XKR4: variants seen among roughly 807,000 people sequenced by gnomAD.
XKR4 encodes XK-related protein 4.
Under a neutral mutation model 53.9 loss-of-function variants are expected in XKR4, and 12 were observed. That is an observed-to-expected ratio of 0.22 (90% CI 0.14 to 0.36). The LOEUF (loss-of-function observed/expected upper bound fraction) is 0.36, where lower values mean the gene tolerates loss of function less well. Ranked by LOEUF, XKR4 falls within the 10% of genes least tolerant of loss-of-function variation. The pLI is 1.00. For synonymous variants in XKR4, 354 were observed against 362.4 expected (o/e 0.98, Z 0.26); for missense variants, 799 against 859.5 (o/e 0.93, Z 0.88).
Position 55,356,217 on chromosome 8 carries a change from T to C in XKR4, c.807-1461T>C, listed in dbSNP as rs190058630. 1.5e-3 allele frequency among the ~76,000 whole-genome samples: 230 copies of C among 152,328 alleles called. 1 individual carries two copies. Among genetic ancestry groups the C allele is most frequent in the Non-Finnish European group, 1.9e-4 (13 of 68,032 alleles). ...GCAACCTTGATTGCAATATCATCAG[T>C]ATATGGTAAGATCATAAAATAGAAC... is the stretch of plus-strand genomic sequence containing the variant. On this transcript the variant is annotated intron_variant, in intron 1 of 2. Transcript: ENST00000327381.
intron 1 of XKR4, among the ~76,000 whole-genome samples, chr8:55,111,060 G>A (rs2129350938): frequency 6.6e-6 from 1 of 152,230 alleles, no homozygotes; most frequent in Non-Finnish European, 1.5e-5. Flanking sequence ...CAGTGATAAA[G>A]CTTATTTAAA....
chr8:55,446,349 C>CT lies in XKR4; in HGVS notation c.1007-76922dup, dbSNP rs200382007. 2.8e-3 allele frequency among the ~76,000 whole-genome samples: 420 copies of CT among 149,062 alleles called. 1 individual carries two copies. Among genetic ancestry groups the CT allele is most frequent in the East Asian group, 4.3e-3 (22 of 5,112 alleles). ...ATCAAAAACTTTAACTGACTGATTTCTTTTTTTTTTGACACAGAATCTCAC... is the reference window on the plus strand; with the variant it reads ...ATCAAAAACTTTAACTGACTGATTTCTTTTTTTTTTTGACACAGAATCTCAC... On this transcript the variant is annotated intron_variant, in intron 2 of 2. Transcript: ENST00000327381.
Position 55,348,665 on chromosome 8 carries a change from T to C in XKR4, c.807-9013T>C, listed in dbSNP as rs138528829. 9.3e-4 allele frequency among the ~76,000 whole-genome samples: 134 copies of C among 144,794 alleles called. 1 individual carries two copies. Among genetic ancestry groups the C allele is most frequent in the African/African-American group, 3.3e-3 (125 of 37,782 alleles). The allele number at this position is 144,794 out of a possible 152,430, so 95.0% of individuals were successfully genotyped here. On this transcript the variant is annotated intron_variant, in intron 1 of 2. Transcript: ENST00000327381. ...ATAGAGATAATGGATAGGTAGATGA[T>C]AGAGGGAGAGAGAGACAGACAAACA...
chr8:55,440,565 A>T (rs1057363874), intron 2 of XKR4, among the ~76,000 whole-genome samples: 4 of 150,916 alleles, frequency 2.7e-5, no homozygotes, highest in Non-Finnish European at 4.4e-5. Flanking sequence ...TCTCTAAAAG[A>T]ATACAAATAG....
chr8:55,342,343 G>A (rs749505274), intron 1 of XKR4, among the ~76,000 whole-genome samples: 1 of 152,038 alleles, frequency 6.6e-6, no homozygotes, highest in Non-Finnish European at 1.5e-5. Flanking sequence ...TCACTTGCCA[G>A]GTTATTGCAA....
chr8:55,304,774 C>G (rs1350185532), intron 1 of XKR4, among the ~76,000 whole-genome samples: 1 of 151,952 alleles, frequency 6.6e-6, no homozygotes, highest in Non-Finnish European at 1.5e-5. Flanking sequence ...CTCTTTTGAT[C>G]TTTGTTGGTT....
intron 1 of XKR4, among the ~76,000 whole-genome samples, chr8:55,128,956 T>A (rs1398502804): frequency 6.6e-6 from 1 of 152,166 alleles, no homozygotes; most frequent in Non-Finnish European, 1.5e-5. Context: ...GTTTATAGGA[T>A]CGTCTAACCA....
At chr8:55,349,724 G>C (rs946755525) in intron 1 of XKR4, among the ~76,000 whole-genome samples, 1 of 152,116 alleles carries the variant, frequency 6.6e-6, no homozygotes, top group Non-Finnish European at 1.5e-5. Context: ...AATCGAACAT[G>C]CATTTTGTCC....
At chr8:55,337,660 G>A (rs1258050410) in intron 1 of XKR4, among the ~76,000 whole-genome samples, 1 of 152,174 alleles carries the variant, frequency 6.6e-6, no homozygotes, top group Non-Finnish European at 1.5e-5. Flanking sequence ...AGTGGCAGGG[G>A]CAATGGTAAG....
chr8:55,135,605 G>A (rs1178343920), intron 1 of XKR4: 1 of 456,072 alleles, frequency 2.2e-6, no homozygotes, highest in East Asian at 6.9e-5. Context: ...CATCGGAGCT[G>A]TCTACTGAGG....
At chr8:55,511,711 A>G (rs1477613257) in intron 2 of XKR4, among the ~76,000 whole-genome samples, 1 of 152,236 alleles carries the variant, frequency 6.6e-6, no homozygotes, top group African/African-American at 2.4e-5. Context: ...CAATAATATT[A>G]AGTACACATT....
chr8:55,452,965 C>A (rs954056304), intron 2 of XKR4: 10 of 741,718 alleles, frequency 1.3e-5, no homozygotes, highest in African/African-American at 1.7e-5. Context: ...TGCTTCTCAC[C>A]GCTCAGGGAT....
chr8:55,299,997 G>A (rs552442911), intron 1 of XKR4, among the ~76,000 whole-genome samples: 7 of 152,232 alleles, frequency 4.6e-5, no homozygotes, highest in Admixed American at 3.9e-4. Flanking sequence ...TGGGAGGGGA[G>A]GGAGCATGAC....
intron 1 of XKR4, among the ~76,000 whole-genome samples, chr8:55,231,062 T>A (rs1382985074): frequency 6.6e-6 from 1 of 152,146 alleles, no homozygotes; most frequent in African/African-American, 2.4e-5. Context: ...AAATGAAGAG[T>A]TCGAAACTGA....
intron 2 of XKR4, chr8:55,451,548 GC>G (rs1180627388): frequency 2.8e-6 from 3 of 1,061,860 alleles, no homozygotes; most frequent in African/African-American, 1.6e-5. Context: ...TGCCGTACAG[GC>G]CCCCAGAATG....
At chr8:55,386,651 G>T (rs1303998370) in intron 2 of XKR4, among the ~76,000 whole-genome samples, 1 of 152,192 alleles carries the variant, frequency 6.6e-6, no homozygotes, top group Non-Finnish European at 1.5e-5. Context: ...ATATATCATG[G>T]AATGTAGTAG....
At chr8:55,495,623 C>A (rs1440137775) in intron 2 of XKR4, among the ~76,000 whole-genome samples, 1 of 152,232 alleles carries the variant, frequency 6.6e-6, no homozygotes, top group African/African-American at 2.4e-5. Context: ...CCTTCCCCCC[C>A]AGGCCCTCCC....
At chr8:55,445,503 A>G (rs1585576596) in intron 2 of XKR4, among the ~76,000 whole-genome samples, 1 of 152,210 alleles carries the variant, frequency 6.6e-6, no homozygotes, top group African/African-American at 2.4e-5. Flanking sequence ...GTTTTCCTGA[A>G]CTAAGGAAAA....
chr8:55,458,819 G>A (rs1805608101), intron 2 of XKR4, among the ~76,000 whole-genome samples: 1 of 152,126 alleles, frequency 6.6e-6, no homozygotes, highest in Non-Finnish European at 1.5e-5. Context: ...TCTGCCAGTG[G>A]AGCCTAGGGT....
Sources: allele counts gnomAD v4.1 joint callset (sites outside exome capture counted in the v4.1 genomes callset), GRCh38; gene constraint gnomAD v4.1.1; transcripts MANE v1.5; gene names NCBI Gene and HGNC (gene_info 2026-07-23, HGNC 2026-07-21).